The following CMTM4 variants were observed in gnomAD, a reference collection of about 807,000 sequenced individuals.
CMTM4 encodes the protein CKLF like MARVEL transmembrane domain containing 4.
Under a neutral mutation model 19.0 loss-of-function variants are expected in CMTM4, and 8 were observed. That is an observed-to-expected ratio of 0.42 (90% CI 0.25 to 0.76). The LOEUF (loss-of-function observed/expected upper bound fraction) is 0.76, where lower values mean the gene tolerates loss of function less well. Among genes scored for constraint, CMTM4 ranks in the 30% least tolerant of loss-of-function variants. CMTM4 has a pLI of 0.27. For missense variants in CMTM4, 228 were observed against 290.2 expected, an observed-to-expected ratio of 0.79 and a Z score of 1.56; for synonymous variants, 106 against 121.1, an observed-to-expected ratio of 0.88 and a Z score of 0.82.
chr16:66,607,575 G>A, the CMTM4 span, among the ~76,000 whole-genome samples: 1 of 152,204 alleles, frequency 6.6e-6, no homozygotes, highest in African/African-American at 2.4e-5. Flanking sequence ...ATATCATTAA[G>A]GTTCAAGGTT....
At chr16:66,653,111 G>C (rs10500539) in intron 1 of CMTM4, among the ~76,000 whole-genome samples, 6,561 of 152,146 alleles carry the variant, frequency 0.043, 267 homozygotes, top group East Asian at 0.16. Context: ...CGCATCCCCA[G>C]AATACAAAAG....
At chr16:66,624,584 T>C (rs1282928403) in intron 2 of CMTM4, among the ~76,000 whole-genome samples, 1 of 152,188 alleles carries the variant, frequency 6.6e-6, no homozygotes, top group Non-Finnish European at 1.5e-5. Flanking sequence ...CTGGTCAACA[T>C]GGTGAAACCC....
chr16:66,606,851 G>A, the CMTM4 span, among the ~76,000 whole-genome samples: 1 of 152,188 alleles, frequency 6.6e-6, no homozygotes, highest in South Asian at 2.1e-4. Flanking sequence ...AAATTAGCTG[G>A]GTTTGGTGGC....
chr16:66,637,339 G>A (rs1437770670), intron 1 of CMTM4, among the ~76,000 whole-genome samples: 2 of 152,124 alleles, frequency 1.3e-5, no homozygotes, highest in African/African-American at 4.8e-5. Context: ...GAGGTCTGGA[G>A]TTCAAGACCA....
intron 2 of CMTM4, among the ~76,000 whole-genome samples, chr16:66,635,914 C>G (rs1419475756): frequency 6.6e-6 from 1 of 152,132 alleles, no homozygotes; most frequent in Non-Finnish European, 1.5e-5. Flanking sequence ...CAGGTTTCCA[C>G]TCAAGACTTT....
chr16:66,630,435 C>T (rs1381881925), intron 2 of CMTM4, among the ~76,000 whole-genome samples: 2 of 151,210 alleles, frequency 1.3e-5, no homozygotes, highest in Admixed American at 6.6e-5. Context: ...ATGCAACCTC[C>T]CTGCCTGATT....
At chr16:66,610,059 C>T (rs117351682), downstream of CMTM4, 107 of 1,599,280 alleles carry the variant, frequency 6.7e-5, no homozygotes, top group Non-Finnish European at 8.2e-5. This position sits in a 1 kb window ranked among gnomAD's most constrained non-coding sequence, Gnocchi z 4.6. Context: ...TGCCCTCCCT[C>T]GGGGATGCCA....
intron 1 of CMTM4, among the ~76,000 whole-genome samples, chr16:66,664,555 T>C (rs2016557461): frequency 6.6e-6 from 1 of 152,150 alleles, no homozygotes; most frequent in Non-Finnish European, 1.5e-5. Flanking sequence ...GGTTTCTGTA[T>C]TTCATTCTAA....
At chr16:66,610,162 AT>A (rs2015323485), downstream of CMTM4, 1 of 888,454 alleles carries the variant, frequency 1.1e-6, no homozygotes, top group Non-Finnish European at 1.7e-6. The surrounding 1 kb of genome is among the most constrained non-coding windows in gnomAD (Gnocchi z 4.6). Flanking sequence ...TGCAGCACTG[AT>A]CCAAAGCCAG....
intron 1 of CMTM4, among the ~76,000 whole-genome samples, chr16:66,656,549 T>A (rs1242934333): frequency 6.6e-6 from 1 of 151,908 alleles, no homozygotes; most frequent in East Asian, 1.9e-4. Flanking sequence ...TTTTTTGTAG[T>A]TTCACCATGT....
chr16:66,644,885 T>C (rs1441890278), intron 1 of CMTM4, among the ~76,000 whole-genome samples: 1 of 152,238 alleles, frequency 6.6e-6, no homozygotes, highest in Non-Finnish European at 1.5e-5. Flanking sequence ...ATAAAAATTA[T>C]AAAGTGATAT....
At chr16:66,675,335 G>C (rs996193432) in intron 1 of CMTM4, among the ~76,000 whole-genome samples, 3 of 151,730 alleles carry the variant, frequency 2.0e-5, no homozygotes, top group Non-Finnish European at 4.4e-5. Context: ...TCCTCTTCGG[G>C]CCTCCCAAAG....
chr16:66,641,702 C>A (rs997812736), intron 1 of CMTM4, among the ~76,000 whole-genome samples: 5 of 152,166 alleles, frequency 3.3e-5, no homozygotes, highest in Admixed American at 2.6e-4. Flanking sequence ...TAAAATTATA[C>A]CTGCCTCCTT....
At chr16:66,611,138 A>G, downstream of CMTM4, 1 of 356,066 alleles carries the variant, frequency 2.8e-6, no homozygotes, top group Non-Finnish European at 5.0e-6. Context: ...CTGTAAAATT[A>G]TTCTTGACTT....
In CMTM4 at chr16:66,617,047, ATGT is replaced by A. The variant is rs1326444653; in HGVS notation, c.*5008_*5010del. The stretch of plus-strand genomic sequence containing the variant: ...AAAGCTGACTAAGGTGGTCTGAGAT[ATGT>A]TCTTACTCCTAAACTCAAACTTTAA... On this transcript the variant is annotated 3_prime_UTR_variant, in exon 4 of 4. Coordinates refer to ENST00000394106, the MANE Select transcript of CMTM4 (RefSeq NM_181521.3). The A allele has an allele frequency of 2.5e-6, 1 of 400,302 alleles. No homozygotes were observed. Among genetic ancestry groups the A allele is most frequent in the Non-Finnish European group, 4.5e-6 (1 of 224,092 alleles). 24.8% of individuals were successfully genotyped at this position (400,302 alleles called of 1,614,324 possible).
At chr16:66,677,853 C>T (rs1296275711) in intron 1 of CMTM4, among the ~76,000 whole-genome samples, 1 of 152,174 alleles carries the variant, frequency 6.6e-6, no homozygotes, top group African/African-American at 2.4e-5. Context: ...AGGCATGTGC[C>T]ATGATGCTCT....
the CMTM4 span, among the ~76,000 whole-genome samples, chr16:66,602,291 G>A: frequency 6.6e-6 from 1 of 152,068 alleles, no homozygotes; most frequent in Non-Finnish European, 1.5e-5. Flanking sequence ...CAGCTACTTG[G>A]GAGACTGAGG....
At position 66,696,443 on chromosome 16, in the gene CMTM4, T is replaced by C; in HGVS notation, c.83A>G (p.Gln28Arg). ...SMISGASSPY[Q>R]PTTEPVSQRR... ...CTGGCTCACCGGCTCGGTGGTGGGC[T>C]GGTACGGGCTGCTGGCGCCCGAGAT... The change falls in exon 1 of 4, where the codon CAG becomes CGG. Residue 28 changes from glutamine to arginine, a missense_variant. Physicochemically the swap from Gln to Arg is conservative, Grantham distance 43. This residue lies in a region of CMTM4 where 21 missense variants were observed against 43.1 expected (regional missense o/e 0.49). Transcript: ENST00000394106. This position sits in a 1 kb window ranked among gnomAD's most constrained non-coding sequence, Gnocchi z 4.3. 1 of 1,356,980 alleles carries C rather than the reference T, an allele frequency of 7.4e-7. No homozygotes were observed. The highest frequency in any genetic ancestry group is 9.5e-7 in the Non-Finnish European group (1 of 1,054,266). 84.1% of individuals were successfully genotyped at this position (1,356,980 alleles called of 1,614,324 possible).
rs546768945 is a variant in CMTM4, at chr16:66,639,407, G to A, written c.187-2826C>T. Among the ~76,000 whole-genome samples, 4 of 152,248 alleles carry A rather than the reference G, an allele frequency of 2.6e-5. No individual in the cohort carries two copies. In the East Asian group the frequency reaches 7.7e-4, roughly 29 times the overall value. On this transcript the variant is annotated intron_variant, in intron 1 of 3. Coordinates refer to ENST00000394106, the MANE Select transcript of CMTM4 (RefSeq NM_181521.3). ...ATGCAAATCTAATAGACCATTTGTT[G>A]TGGCAGTGAACAAAACAGACAAAAA...
Sources: allele counts gnomAD v4.1 joint callset (sites outside exome capture counted in the v4.1 genomes callset), GRCh38; gene constraint gnomAD v4.1.1; regional missense constraint gnomAD v4.1.1; non-coding constraint Gnocchi (gnomAD v3.1); transcripts MANE v1.5; gene names NCBI Gene and HGNC (gene_info 2026-07-23, HGNC 2026-07-21).